LRP1B: variants seen among roughly 807,000 people sequenced by gnomAD.
LRP1B encodes LDL receptor related protein 1B, also known as low-density lipoprotein receptor-related protein 1B.
A neutral mutation model predicts 556.6 loss-of-function variants in LRP1B; 217 were observed. The ratio of observed to expected loss-of-function variants is 0.39; its 90% CI spans 0.35 to 0.44. The LOEUF (loss-of-function observed/expected upper bound fraction) is 0.44. Among genes scored for constraint, LRP1B ranks in the 20% least tolerant of loss-of-function variants. The probability of loss-of-function intolerance (pLI) is 1.00; values close to 1 mark genes in which losing one functional copy is unlikely to be tolerated. For missense variants in LRP1B, 5,053 were observed against 5,620.8 expected, an observed-to-expected ratio of 0.90 and a Z score of 3.23; for synonymous variants, 2,047 against 1,865.8, an observed-to-expected ratio of 1.10 and a Z score of -2.50.
chr2:140,458,841 G>A (rs1302588402), intron 60 of LRP1B, among the ~76,000 whole-genome samples: 1 of 151,502 alleles, frequency 6.6e-6, no homozygotes, highest in Non-Finnish European at 1.5e-5. Flanking sequence ...TTTTTTATTT[G>A]TATTCTGATA....
chr2:140,487,983 T>G (rs143359687), intron 57 of LRP1B, among the ~76,000 whole-genome samples: 2 of 151,914 alleles, frequency 1.3e-5, no homozygotes, highest in Non-Finnish European at 2.9e-5. Flanking sequence ...TTTCAAAATA[T>G]TTACAATGGT....
At chr2:141,660,484 C>A (rs568559997) in intron 2 of LRP1B, among the ~76,000 whole-genome samples, 23 of 152,096 alleles carry the variant, frequency 1.5e-4, no homozygotes, top group Non-Finnish European at 2.8e-4. Context: ...AGTTCCCCCC[C>A]GCTGGTGCCG....
intron 2 of LRP1B, among the ~76,000 whole-genome samples, chr2:141,694,984 A>T (rs1691681951): frequency 6.6e-6 from 1 of 151,980 alleles, no homozygotes; most frequent in South Asian, 2.1e-4. Flanking sequence ...GCAAGGTAAC[A>T]TTCCTCTAAG....
chr2:140,395,311 CA>C (rs1330366221), intron 66 of LRP1B, among the ~76,000 whole-genome samples: 1 of 152,200 alleles, frequency 6.6e-6, no homozygotes, highest in African/African-American at 2.4e-5. Context: ...GGAGCTGGTA[CA>C]GCCACCTTTG....
chr2:140,901,314 T>C (rs1694098224), intron 23 of LRP1B, among the ~76,000 whole-genome samples: 1 of 152,208 alleles, frequency 6.6e-6, no homozygotes, highest in African/African-American at 2.4e-5. Flanking sequence ...CCTGCCTCTT[T>C]GCAGACAGCC....
chr2:140,895,219 C>CA (rs1426435971), intron 23 of LRP1B, among the ~76,000 whole-genome samples: 9 of 151,432 alleles, frequency 5.9e-5, no homozygotes, highest in African/African-American at 1.5e-4. Context: ...AGAATAAGAA[C>CA]AAAAAAATGT....
chr2:141,617,849 A>T (rs1217742053), intron 2 of LRP1B, among the ~76,000 whole-genome samples: 2 of 152,200 alleles, frequency 1.3e-5, no homozygotes, highest in Admixed American at 1.3e-4. Context: ...ACAAGTAATT[A>T]ACTTTAATAG....
chr2:140,540,736 A>G (rs1240959752), intron 45 of LRP1B, among the ~76,000 whole-genome samples: 1 of 115,504 alleles, frequency 8.7e-6, no homozygotes, highest in Non-Finnish European at 2.0e-5. Flanking sequence ...AGCACTTTCT[A>G]GTGCACAACA....
intron 86 of LRP1B, among the ~76,000 whole-genome samples, chr2:140,262,783 C>T (rs1309737730): frequency 6.6e-6 from 1 of 152,156 alleles, no homozygotes; most frequent in African/African-American, 2.4e-5. Flanking sequence ...TGGTGATTTA[C>T]ATCCAGGAGA....
At chr2:141,586,360 CT>C (rs989397204) in intron 2 of LRP1B, among the ~76,000 whole-genome samples, 10 of 152,026 alleles carry the variant, frequency 6.6e-5, no homozygotes, top group African/African-American at 2.4e-4. Context: ...TACTACTTAG[CT>C]TTTTTTATTT....
chr2:141,801,183 T>C (rs539718072), intron 2 of LRP1B, among the ~76,000 whole-genome samples: 2 of 152,300 alleles, frequency 1.3e-5, no homozygotes, highest in East Asian at 3.9e-4. Context: ...ATTAATTATA[T>C]GCATGTTTGG....
chr2:141,081,381 A>C (rs1038018605), intron 7 of LRP1B, among the ~76,000 whole-genome samples: 2 of 152,164 alleles, frequency 1.3e-5, no homozygotes, highest in African/African-American at 4.8e-5. Context: ...CCTAAGAATG[A>C]GGTTGAATGA....
At chr2:140,442,383 C>G in intron 66 of LRP1B, 121 bp downstream of exon 66, 2 of 1,305,630 alleles carry the variant, frequency 1.5e-6, no homozygotes, top group Non-Finnish European at 2.1e-6. Context: ...AACACAGAGA[C>G]AAAACCTTTT....
chr2:140,402,777 C>A (rs1168406824), intron 66 of LRP1B, among the ~76,000 whole-genome samples: 1 of 152,180 alleles, frequency 6.6e-6, no homozygotes. Flanking sequence ...TCTGCTTTAC[C>A]TACAACTAGT....
At chr2:141,297,258 A>G (rs1387084165) in intron 3 of LRP1B, among the ~76,000 whole-genome samples, 6 of 152,144 alleles carry the variant, frequency 3.9e-5, no homozygotes, top group African/African-American at 9.7e-5. Context: ...ATAGTGAGAT[A>G]TCATCTCACA....
At chr2:140,935,907 T>C (rs116792136) in intron 20 of LRP1B, among the ~76,000 whole-genome samples, 2,140 of 151,960 alleles carry the variant, frequency 0.014, 47 homozygotes, top group African/African-American at 0.049. Flanking sequence ...TATATATGTA[T>C]ATATATGTGT....
At chr2:141,074,426 G>C (rs1241020319) in intron 7 of LRP1B, among the ~76,000 whole-genome samples, 1 of 151,694 alleles carries the variant, frequency 6.6e-6, no homozygotes, top group Non-Finnish European at 1.5e-5. Context: ...GCATAAAATA[G>C]ATACAAACAC....
chr2:141,312,781 C>A (rs1038189165), intron 3 of LRP1B, among the ~76,000 whole-genome samples: 1 of 152,020 alleles, frequency 6.6e-6, no homozygotes, highest in Non-Finnish European at 1.5e-5. Flanking sequence ...CTCTGCCTCC[C>A]AGGTTCAAGA....
intron 32 of LRP1B, among the ~76,000 whole-genome samples, chr2:140,787,558 ATTTTTTTTTTTTTTTTTTT>A (rs756825067): frequency 2.2e-5 from 1 of 44,628 alleles, no homozygotes; most frequent in Non-Finnish European, 3.5e-5. Flanking sequence ...AAAACAGAAG[ATTTTTTTTTTTTTTTTTTT>A]TTTTTTTTTT....
Sources: gnomAD v4.1 joint callset for allele counts (sites outside exome capture counted in the v4.1 genomes callset) on GRCh38, gnomAD v4.1.1 for gene constraint, MANE v1.5 for transcripts, NCBI Gene and HGNC (gene_info 2026-07-23, HGNC 2026-07-21) for gene names.